CYTH3: variants seen among roughly 807,000 people sequenced by gnomAD.
CYTH3 encodes cytohesin 3.
In CYTH3, 23 loss-of-function variants were observed where a neutral mutation model predicts 55.1. The ratio of observed to expected loss-of-function variants is 0.42; its 90% CI spans 0.30 to 0.59. The LOEUF is 0.59. CYTH3 is among the 20% of genes least tolerant of loss of function. The pLI, the probability that CYTH3 is intolerant of heterozygous loss-of-function variation, is 0.20. For missense variants in CYTH3, 413 were observed against 524.8 expected, an observed-to-expected ratio of 0.79 and a Z score of 2.08; for synonymous variants, 249 against 194.9, an observed-to-expected ratio of 1.28 and a Z score of -2.31.
rs1175283215 is a variant in CYTH3 at position 6,167,200 on chromosome 7, G to A, written c.824-1390C>T. Among the ~76,000 whole-genome samples, 1 of 152,174 alleles carries A rather than the reference G, an allele frequency of 6.6e-6. No homozygotes were observed. The highest frequency in any genetic ancestry group is 2.4e-5 in the African/African-American group (1 of 41,440). On this transcript the variant is annotated intron_variant, in intron 9 of 12. Transcript: ENST00000350796. This position sits in a 1 kb window ranked among gnomAD's most constrained non-coding sequence, Gnocchi z 5.5. ...TCTCACCGCGGGCTCCATGCTCTCT[G>A]CAAGCCCTTGGCCTTCACCTTCCCC...
intron 1 of CYTH3, among the ~76,000 whole-genome samples, chr7:6,236,844 T>C (rs960289825): frequency 6.6e-6 from 1 of 152,228 alleles, no homozygotes; most frequent in Non-Finnish European, 1.5e-5. Context: ...ATTACAGGCG[T>C]GAGCCACTGC....
intron 9 of CYTH3, among the ~76,000 whole-genome samples, chr7:6,168,196 C>T (rs895054314): frequency 6.6e-6 from 1 of 151,112 alleles, no homozygotes; most frequent in Middle Eastern, 3.5e-3. Flanking sequence ...TGTATGGCAG[C>T]TCGGATTGGG....
intron 1 of CYTH3, among the ~76,000 whole-genome samples, chr7:6,226,246 A>G (rs936443645): frequency 6.6e-6 from 1 of 152,200 alleles, no homozygotes; most frequent in Non-Finnish European, 1.5e-5. Context: ...CCACACCCAC[A>G]AACAATATTC....
intron 1 of CYTH3, among the ~76,000 whole-genome samples, chr7:6,260,793 C>T (rs1471427876): frequency 6.6e-5 from 10 of 152,140 alleles, no homozygotes; most frequent in Admixed American, 4.6e-4. Context: ...CCTCTCTCAA[C>T]TCTCTTTCCT....
chr7:6,207,052 A>C (rs1784206187), intron 1 of CYTH3, among the ~76,000 whole-genome samples: 1 of 152,010 alleles, frequency 6.6e-6, no homozygotes, highest in African/African-American at 2.4e-5. Flanking sequence ...TACCATAAGA[A>C]ACATTCCAAT....
chr7:6,231,085 G>A (rs758170806), intron 1 of CYTH3, among the ~76,000 whole-genome samples: 22 of 152,120 alleles, frequency 1.4e-4, no homozygotes, highest in East Asian at 3.9e-4. Flanking sequence ...ACTAACCCAC[G>A]CCTTAGACTT....
chr7:6,178,904 G>A (rs891258605), intron 4 of CYTH3, among the ~76,000 whole-genome samples: 1 of 152,180 alleles, frequency 6.6e-6, no homozygotes, highest in African/African-American at 2.4e-5. Context: ...CTCTAACACA[G>A]CCTTGCAGCC....
rs577143307 is a variant in CYTH3 at position 6,228,219 on chromosome 7, T to C, written c.35-37688A>G. 2.5e-3 allele frequency among the ~76,000 whole-genome samples: 374 copies of C among 152,112 alleles called. 1 individual carries two copies. Among genetic ancestry groups the C allele is most frequent in the Middle Eastern group, 0.014 (4 of 294 alleles). ...TTTTTCCAGTTTCAAAGAGGCAAGTTAAAGAGAATGATCATATAAGTACAG... is the reference window on the plus strand; with the variant it reads ...TTTTTCCAGTTTCAAAGAGGCAAGTCAAAGAGAATGATCATATAAGTACAG... On this transcript the variant is annotated intron_variant, in intron 1 of 12. Transcript: ENST00000350796.
At chr7:6,270,922 G>A (rs1212327273) in intron 1 of CYTH3, among the ~76,000 whole-genome samples, 1 of 152,052 alleles carries the variant, frequency 6.6e-6, no homozygotes, top group Non-Finnish European at 1.5e-5. Flanking sequence ...TACTCACAGA[G>A]CCCAAAGCAC....
chr7:6,170,425 G>T lies in CYTH3; in HGVS notation c.823+110C>A. ...TGGCTTAACCGCGTTTCTTTTTAAC[G>T]TCTCTGCCTGCGGTGGGGGGCATTC... On this transcript the variant is annotated intron_variant, in intron 9 of 12. Coordinates refer to ENST00000350796, the MANE Select transcript of CYTH3 (RefSeq NM_004227.4). This position sits in a 1 kb window ranked among gnomAD's most constrained non-coding sequence, Gnocchi z 7.8. The T allele has an allele frequency of 2.0e-6, 2 of 1,000,938 alleles. No individual in the cohort carries two copies. The highest frequency in any genetic ancestry group is 2.9e-6 in the Non-Finnish European group (2 of 681,172). The allele number at this position is 1,000,938 out of a possible 1,614,324, so 62.0% of individuals were successfully genotyped here. A position where few individuals can be genotyped will look rare whatever the true frequency, so the allele number is the denominator to read the frequency against.
intron 6 of CYTH3, chr7:6,172,649 C>G: frequency 3.1e-6 from 3 of 962,924 alleles, no homozygotes; most frequent in Non-Finnish European, 3.8e-6. Context: ...GGAACCTCTC[C>G]GGCTCTCGCC....
intron 1 of CYTH3, among the ~76,000 whole-genome samples, chr7:6,265,274 T>C (rs1457009341): frequency 2.0e-5 from 3 of 151,684 alleles, no homozygotes; most frequent in African/African-American, 7.3e-5. Context: ...AGAGATCATA[T>C]GTGGCCCACA....
chr7:6,259,780 ATAT>A (rs1780264655), intron 1 of CYTH3, among the ~76,000 whole-genome samples: 6 of 22,160 alleles, frequency 2.7e-4, no homozygotes, highest in Non-Finnish European at 3.5e-4. Context: ...TATTATATAT[ATAT>A]AATATATATA....
At chr7:6,255,756 C>CTCTCTGTTTT (rs747330980) in intron 1 of CYTH3, among the ~76,000 whole-genome samples, 1 of 126,380 alleles carries the variant, frequency 7.9e-6, no homozygotes, top group African/African-American at 3.7e-5. Flanking sequence ...GACCTTTAAT[C>CTCTCTGTTTT]TGTTTTTTTT....
chr7:6,198,708 T>A (rs1783994288), intron 1 of CYTH3, among the ~76,000 whole-genome samples: 6 of 151,934 alleles, frequency 3.9e-5, no homozygotes, highest in Admixed American at 3.9e-4. Flanking sequence ...TGGATATGGT[T>A]ACACATACAC....
intron 1 of CYTH3, among the ~76,000 whole-genome samples, chr7:6,196,456 CTTTTTTTTTT>C (rs5882084): frequency 6.1e-5 from 7 of 113,990 alleles, no homozygotes; most frequent in South Asian, 5.9e-4. Flanking sequence ...TTCTTTTTTT[CTTTTTTTTTT>C]TTTTTTTTTT....
At chr7:6,253,594 G>T (rs546535609) in intron 1 of CYTH3, among the ~76,000 whole-genome samples, 4 of 151,924 alleles carry the variant, frequency 2.6e-5, no homozygotes. Context: ...AAGGCGGGCA[G>T]ATCACAAGGT....
chr7:6,197,841 C>T (rs1053391191), intron 1 of CYTH3, among the ~76,000 whole-genome samples: 2 of 152,110 alleles, frequency 1.3e-5, no homozygotes, highest in African/African-American at 4.8e-5. Flanking sequence ...CCTGTAATCC[C>T]AGTACTTTGG....
Position 6,177,848 on chromosome 7 carries a change from C to T in CYTH3, c.343G>A (p.Val115Ile), listed in dbSNP as rs748550130. ...LYKGEGLNKT[V>I]IGDYLGERDE... ...CTTTCACCCAGGTAGTCCCCAATGA[C>T]GGTCTTATTTAGGCCTTCTCCTTTA... Residue 115 changes from valine (V) to isoleucine (I), a missense_variant, in exon 5 of 13, where the codon GTC becomes ATC. Transcript: ENST00000350796. 16 of 1,613,948 alleles carry T rather than the reference C, an allele frequency of 9.9e-6. No homozygotes were observed. In the East Asian group the frequency reaches 1.3e-4, roughly 13 times the overall value.
Sources: gnomAD v4.1 joint callset for allele counts (sites outside exome capture counted in the v4.1 genomes callset) on GRCh38, gnomAD v4.1.1 for gene constraint, Gnocchi (gnomAD v3.1) non-coding constraint, MANE v1.5 for transcripts, NCBI Gene and HGNC (gene_info 2026-07-23, HGNC 2026-07-21) for gene names.